TBC1D7: variants seen among roughly 807,000 people sequenced by gnomAD.
TBC1D7 encodes the protein TBC domain family 7.
In TBC1D7, 33 loss-of-function variants were observed where a neutral mutation model predicts 35.3. The observed-to-expected ratio is 0.93, with a 90% CI of 0.71 to 1.25. The LOEUF is 1.25. TBC1D7 is among the 50% of genes most tolerant of loss of function. The pLI is 0.00. For synonymous variants in TBC1D7, 135 were observed against 129.5 expected, an observed-to-expected ratio of 1.04 and a Z score of -0.29; for missense variants, 362 against 365.3, an observed-to-expected ratio of 0.99 and a Z score of 0.07.
At chr6:13,310,440 C>T (rs1783111276) in intron 5 of TBC1D7, among the ~76,000 whole-genome samples, 1 of 151,970 alleles carries the variant, frequency 6.6e-6, no homozygotes, top group South Asian at 2.1e-4. Context: ...GAGTTTGAGA[C>T]CAGCCTGGCC....
intron 4 of TBC1D7, chr6:13,320,485 G>T: frequency 2.2e-6 from 1 of 453,480 alleles, no homozygotes; most frequent in Non-Finnish European, 3.9e-6. Flanking sequence ...AAAAAAATAC[G>T]TTTTAAAACA....
chr6:13,321,772 T>C (rs889785433), intron 3 of TBC1D7, among the ~76,000 whole-genome samples: 1 of 152,166 alleles, frequency 6.6e-6, no homozygotes, highest in African/African-American at 2.4e-5. Flanking sequence ...CTGAAATGTG[T>C]CTTTCTGGGC....
rs570929758 is a variant in TBC1D7, at chr6:13,320,558, T to G, written c.381+350A>C. The G allele has an allele frequency of 1.1e-5, 6 of 571,032 alleles. No homozygotes were observed. The South Asian group carries it at 1.4e-4, about 14-fold the overall frequency. The allele number at this position is 571,032 out of a possible 1,614,324, so 35.4% of individuals were successfully genotyped here. A position where few individuals can be genotyped will look rare whatever the true frequency, so the allele number is the denominator to read the frequency against. On this transcript the variant is annotated intron_variant, in intron 4 of 7. Transcript: ENST00000379300. ...CTTAAAGCTACTTAGCACCTACAAT[T>G]TTTTATTTTTTAACTTTTTAAATAA...
At chr6:13,321,128 A>G in intron 3 of TBC1D7, 33 bp from the exon 4 acceptor site, 1 of 1,576,460 alleles carries the variant, frequency 6.3e-7, no homozygotes, top group East Asian at 2.2e-5. Context: ...AAAAAGGACA[A>G]AATACTGAGC....
rs1899262 is a variant in TBC1D7 at position 13,307,950 on chromosome 6, T to C, written c.520-205A>G. Among the ~76,000 whole-genome samples the C allele has an allele frequency of 0.43, 64,673 of 152,010 alleles. 14,166 individuals are homozygous for C. Among genetic ancestry groups the C allele is most frequent in the East Asian group, 0.63 (3,259 of 5,168 alleles). On this transcript the variant is annotated intron_variant, in intron 5 of 7. Coordinates refer to ENST00000379300, the MANE Select transcript of TBC1D7 (RefSeq NM_016495.6). ...AACAAACCATCCAGGACTGAGGAGT[T>C]TCCCAGGACACAGGGCTCTTTCAGT...
Position 13,304,989 on chromosome 6 carries a change from T to A in TBC1D7, c.*112A>T, listed in dbSNP as rs141187028. 95 of 896,420 alleles carry A rather than the reference T, an allele frequency of 1.1e-4. No individual in the cohort carries two copies. In the East Asian group the frequency reaches 2.4e-3, roughly 23 times the overall value. 55.5% of individuals were successfully genotyped at this position (896,420 alleles called of 1,614,324 possible). A position where few individuals can be genotyped will look rare whatever the true frequency, so the allele number is the denominator to read the frequency against. On this transcript the variant is annotated 3_prime_UTR_variant, in exon 8 of 8. Coordinates refer to ENST00000379300, the MANE Select transcript of TBC1D7 (RefSeq NM_016495.6). ...ATTTTATTGGGGGAAAAAAACCACT[T>A]TGAGCACCAAAGCAAGAAAAGTGTA...
At position 13,322,505 on chromosome 6, in the gene TBC1D7, AACAC is replaced by A. The variant is rs146678973; in HGVS notation, c.194-1414_194-1411del. Among the ~76,000 whole-genome samples the A allele has an allele frequency of 3.5e-4, 53 of 152,314 alleles. No homozygotes were observed. The East Asian group carries it at 0.01, about 29-fold the overall frequency. Reference sequence around the variant, plus strand: ...AGTTGTTGAGATGAATAAACAAATCAACACACACAAAGCATTCAGAAGAGTACTC... The same window carrying A: ...AGTTGTTGAGATGAATAAACAAATCAACACAAAGCATTCAGAAGAGTACTC... On this transcript the variant is annotated intron_variant, in intron 3 of 7. Transcript: ENST00000379300.
At chr6:13,325,198 T>C (rs1334845470) in intron 2 of TBC1D7, 24 bp from the exon 3 acceptor site, 1 of 1,541,970 alleles carries the variant, frequency 6.5e-7, no homozygotes, top group South Asian at 1.1e-5. Flanking sequence ...AAAACAATTG[T>C]TAGAAGCTTT....
rs555785963 is a variant in TBC1D7, at chr6:13,307,366, C to T, written c.665+234G>A. The T allele has an allele frequency of 1.7e-5, 7 of 420,722 alleles. No individual in the cohort carries two copies. In the South Asian group the frequency reaches 3.0e-4, roughly 18 times the overall value. The allele number at this position is 420,722 out of a possible 1,614,324, so 26.1% of individuals were successfully genotyped here. ...GACGCTTATATAAACTCATGGAGACCATTTGAGGTGTGACTGCTTCACAGC... is the reference window on the plus strand; with the variant it reads ...GACGCTTATATAAACTCATGGAGACTATTTGAGGTGTGACTGCTTCACAGC... On this transcript the variant is annotated intron_variant, in intron 6 of 7. Transcript: ENST00000379300.
chr6:13,328,520 T>TGCCGCTGCC lies in TBC1D7; in HGVS notation c.-234_-233insGGCAGCGGC. The TGCCGCTGCC allele has an allele frequency of 6.3e-6, 1 of 157,890 alleles. No homozygotes were observed. Among genetic ancestry groups the TGCCGCTGCC allele is most frequent in the Non-Finnish European group, 1.4e-5 (1 of 71,056 alleles). 9.8% of individuals were successfully genotyped at this position (157,890 alleles called of 1,614,324 possible). ...AACTCAGCGCCGCTGCCGCTGCCGC[T>TGCCGCTGCC]GCCGCCGCCGCCGGACGTGACATCA... On this transcript the variant is annotated 5_prime_UTR_variant, in exon 1 of 8. Transcript: ENST00000379300.
chr6:13,311,934 G>GATATAGATATAA lies in TBC1D7; in HGVS notation c.520-4190_520-4189insTTATATCTATAT, dbSNP rs1554193247. ...AAAAAGGAGTCCAGAAAGAGATATA[G>GATATAGATATAA]ATATAAATATAAATATATATAAAAA... On this transcript the variant is annotated intron_variant, in intron 5 of 7. Coordinates refer to ENST00000379300, the MANE Select transcript of TBC1D7 (RefSeq NM_016495.6). Among the ~76,000 whole-genome samples, 86 of 149,388 alleles carry GATATAGATATAA rather than the reference G, an allele frequency of 5.8e-4. 1 individual carries two copies. Among genetic ancestry groups the GATATAGATATAA allele is most frequent in the African/African-American group, 2.0e-3 (80 of 40,738 alleles).
intron 7 of TBC1D7, 90 bp downstream of exon 7, chr6:13,306,308 T>A (rs1782803012): frequency 8.2e-7 from 1 of 1,214,562 alleles, no homozygotes; most frequent in African/African-American, 1.6e-5. Context: ...CATGTAATTA[T>A]TTCTCTGAAA....
chr6:13,316,786 C>T (rs1033290674), intron 4 of TBC1D7, 78 bp from the exon 5 acceptor site: 14 of 1,538,036 alleles, frequency 9.1e-6, no homozygotes, highest in Non-Finnish European at 1.2e-5. Flanking sequence ...AAAATGAAAC[C>T]TTGCTCCCTA....
At chr6:13,314,365 A>G (rs1209619571) in intron 5 of TBC1D7, among the ~76,000 whole-genome samples, 1 of 152,242 alleles carries the variant, frequency 6.6e-6, no homozygotes, top group Non-Finnish European at 1.5e-5. Context: ...GGAAACATGG[A>G]TTCATCTGAA....
At chr6:13,319,716 A>G (rs911848606) in intron 4 of TBC1D7, 2 of 152,196 alleles carry the variant, frequency 1.3e-5, no homozygotes, top group African/African-American at 4.8e-5. Flanking sequence ...ACACTGCACT[A>G]TTTTTGCAAC....
At chr6:13,309,102 T>TG (rs1222946024) in intron 5 of TBC1D7, among the ~76,000 whole-genome samples, 1 of 152,220 alleles carries the variant, frequency 6.6e-6, no homozygotes, top group Non-Finnish European at 1.5e-5. Flanking sequence ...CTCCCTATAC[T>TG]GCTCAACGGT....
Position 13,325,097 on chromosome 6 carries a change from G to C in TBC1D7, c.190C>G (p.Leu64Val). ...MYRALVWKVL[L>V]GILPPHHESH... ...TTCCAACTCCTGGGTCTCATACCTAGAAGCACCTTCCATACCAATGCACGG... is the reference window on the plus strand; with the variant it reads ...TTCCAACTCCTGGGTCTCATACCTACAAGCACCTTCCATACCAATGCACGG... The change falls in exon 3 of 8, where the codon CTA becomes GTA. Residue 64 changes from leucine (L) to valine (V), a missense_variant. Transcript: ENST00000379300. 1 of 1,609,612 alleles carries C rather than the reference G, an allele frequency of 6.2e-7. No individual in the cohort carries two copies. The highest frequency in any genetic ancestry group is 8.5e-7 in the Non-Finnish European group (1 of 1,177,832).
intron 2 of TBC1D7, among the ~76,000 whole-genome samples, chr6:13,325,417 C>A (rs1335666662): frequency 6.6e-6 from 1 of 152,196 alleles, no homozygotes; most frequent in African/African-American, 2.4e-5. Flanking sequence ...AATCCCAGAA[C>A]TTTGGGAGGC....
intron 2 of TBC1D7, among the ~76,000 whole-genome samples, chr6:13,325,708 G>C (rs74819579): frequency 0.024 from 3,669 of 152,302 alleles, 136 homozygotes; most frequent in African/African-American, 0.084. Context: ...CAGCATTGGA[G>C]ATGCATTTTG....
Sources: allele counts gnomAD v4.1 joint callset (sites outside exome capture counted in the v4.1 genomes callset), GRCh38; gene constraint gnomAD v4.1.1; transcripts MANE v1.5; gene names NCBI Gene and HGNC (gene_info 2026-07-23, HGNC 2026-07-21).